Variants in ARHGEF9 observed in about 807,000 individuals in gnomAD.
ARHGEF9 encodes rho guanine nucleotide exchange factor 9.
In ARHGEF9, 2 loss-of-function variants were observed where a neutral mutation model predicts 41.3. The ratio of observed to expected loss-of-function variants is 0.05; its 90% confidence interval spans 0.02 to 0.15. The LOEUF is 0.15. Ranked by LOEUF, ARHGEF9 falls within the 10% of genes least tolerant of loss-of-function variation. ARHGEF9 has a pLI of 1.00. For missense variants in ARHGEF9, 225 were observed against 424.7 expected (o/e 0.53, Z 4.13); for synonymous variants, 160 against 154.4 (o/e 1.04, Z -0.27).
chrX:63,712,274 C>T (rs1556407344), intron 2 of ARHGEF9, among the ~76,000 whole-genome samples: 3 of 111,676 alleles, frequency 2.7e-5, no homozygotes, highest in African/African-American at 9.8e-5. Flanking sequence ...CTCGTAGGTG[C>T]GTACTCAAGA....
intron 1 of ARHGEF9, chrX:63,766,906 C>A: frequency 2.5e-6 from 1 of 404,167 alleles, no homozygotes; most frequent in South Asian, 3.1e-5. Context: ...CAGGAAAACC[C>A]ACCAAACTGC....
chrX:63,728,653 T>C (rs1379010020), intron 1 of ARHGEF9, among the ~76,000 whole-genome samples: 1 of 111,831 alleles, frequency 8.9e-6, no homozygotes, highest in Non-Finnish European at 1.9e-5. Flanking sequence ...ATCTGCAAAA[T>C]GGGGGTAATA....
At chrX:63,691,738 G>A (rs1283155747) in intron 4 of ARHGEF9, among the ~76,000 whole-genome samples, 1 of 110,981 alleles carries the variant, frequency 9.0e-6, no homozygotes, top group Non-Finnish European at 1.9e-5. Flanking sequence ...AAAAGACCCA[G>A]AATAGCCAAA....
At chrX:63,746,324 C>G (rs2055270312) in intron 1 of ARHGEF9, among the ~76,000 whole-genome samples, 1 of 112,113 alleles carries the variant, frequency 8.9e-6, no homozygotes, top group Non-Finnish European at 1.9e-5. Context: ...GAACACATCC[C>G]TCTCTAAACC....
chrX:63,647,830 G>A (rs1440129953), intron 8 of ARHGEF9, among the ~76,000 whole-genome samples: 1 of 111,198 alleles, frequency 9.0e-6, no homozygotes, highest in East Asian at 2.8e-4. Flanking sequence ...TTGTACCTCT[G>A]GTAGAATTTG....
intron 4 of ARHGEF9, among the ~76,000 whole-genome samples, chrX:63,683,562 A>G (rs1361304084): frequency 8.9e-6 from 1 of 112,000 alleles, no homozygotes; most frequent in African/African-American, 3.2e-5. Flanking sequence ...AGAAATAAAA[A>G]TAAATCTGGA....
intron 1 of ARHGEF9, among the ~76,000 whole-genome samples, chrX:63,735,326 C>T (rs782734992): frequency 2.2e-3 from 248 of 111,036 alleles, no homozygotes; most frequent in Middle Eastern, 9.3e-3. Flanking sequence ...GTTTTCTGGG[C>T]AGGGGTGGGG....
chrX:63,749,049 G>A (rs1472763396), intron 1 of ARHGEF9, among the ~76,000 whole-genome samples: 3 of 112,233 alleles, frequency 2.7e-5, no homozygotes, highest in Non-Finnish European at 5.6e-5. Flanking sequence ...ATCCCAAATA[G>A]TGAGTTTTCA....
At chrX:63,698,901 A>T (rs184264158) in intron 3 of ARHGEF9, among the ~76,000 whole-genome samples, 16 of 112,271 alleles carry the variant, frequency 1.4e-4, no homozygotes, top group Middle Eastern at 9.2e-3. Context: ...GATCAGGAAG[A>T]AAATTCCCAG....
In ARHGEF9 at chrX:63,637,725, G is replaced by A. The variant is rs1301551394; in HGVS notation, c.*303C>T. The A allele has an allele frequency of 1.7e-5, 4 of 233,211 alleles. No individual in the cohort carries two copies. Among genetic ancestry groups the A allele is most frequent in the African/African-American group, 2.9e-5 (1 of 34,838 alleles). The allele number at this position is 233,211 out of a possible 1,213,427, so 19.2% of individuals were successfully genotyped here. ...TCTGAAAGCAAAGGGAAGGGGGACAGGGTAAAAATGGAAAACTTTTAAGAC... is the reference window on the plus strand; with the variant it reads ...TCTGAAAGCAAAGGGAAGGGGGACAAGGTAAAAATGGAAAACTTTTAAGAC... On this transcript the variant is annotated 3_prime_UTR_variant, in exon 10 of 10. Coordinates refer to ENST00000671741, the MANE Select transcript of ARHGEF9 (RefSeq NM_001353921.2).
intron 9 of ARHGEF9, chrX:63,639,882 G>A (rs1470202728): frequency 8.9e-6 from 1 of 111,772 alleles, no homozygotes; most frequent in Non-Finnish European, 1.9e-5. Flanking sequence ...AATATCAAAT[G>A]ATCTCACTCA....
chrX:63,723,850 G>A (rs1330656595), intron 2 of ARHGEF9, among the ~76,000 whole-genome samples: 3 of 112,362 alleles, frequency 2.7e-5, no homozygotes, highest in Non-Finnish European at 5.6e-5. Flanking sequence ...TTAAGGGCCA[G>A]GTTCTTCATG....
intron 3 of ARHGEF9, among the ~76,000 whole-genome samples, chrX:63,699,756 G>T (rs1229325281): frequency 1.8e-5 from 2 of 111,949 alleles, no homozygotes; most frequent in African/African-American, 6.5e-5. Flanking sequence ...TTAGCTTGAT[G>T]AAATATTACA....
At chrX:63,668,505 C>G (rs1460703851) in intron 6 of ARHGEF9, among the ~76,000 whole-genome samples, 1 of 111,687 alleles carries the variant, frequency 9.0e-6, no homozygotes, top group Non-Finnish European at 1.9e-5. Context: ...AATAATACTC[C>G]TCTATGCTCA....
intron 8 of ARHGEF9, among the ~76,000 whole-genome samples, chrX:63,646,069 T>G (rs1320629881): frequency 8.9e-6 from 1 of 111,802 alleles, no homozygotes; most frequent in Admixed American, 9.5e-5. Context: ...CACTTGTTGA[T>G]GGGGTTGTTT....
intron 1 of ARHGEF9, among the ~76,000 whole-genome samples, chrX:63,777,904 C>A (rs2056318865): frequency 1.8e-5 from 2 of 112,894 alleles, no homozygotes; most frequent in South Asian, 7.3e-4. Context: ...AGGCTGCCTT[C>A]ATGGCTGGCA....
intron 2 of ARHGEF9, among the ~76,000 whole-genome samples, chrX:63,717,151 T>C (rs2053356617): frequency 8.9e-6 from 1 of 111,933 alleles, no homozygotes; most frequent in African/African-American, 3.3e-5. Flanking sequence ...CCCCAGTATA[T>C]TTTAAAAAGA....
At chrX:63,695,242 A>G (rs782178843) in intron 4 of ARHGEF9, among the ~76,000 whole-genome samples, 93 of 111,783 alleles carry the variant, frequency 8.3e-4, no homozygotes, top group African/African-American at 2.7e-3. Context: ...CCCGGTTGAG[A>G]ACCACTATTC....
intron 1 of ARHGEF9, among the ~76,000 whole-genome samples, chrX:63,771,219 T>G (rs781837234): frequency 8.0e-5 from 9 of 112,150 alleles, no homozygotes; most frequent in Non-Finnish European, 1.9e-5. Flanking sequence ...TGTGAAGGAT[T>G]ATTATTACAT....
Sources: allele counts gnomAD v4.1 joint callset (sites outside exome capture counted in the v4.1 genomes callset), GRCh38; gene constraint gnomAD v4.1.1; transcripts MANE v1.5; gene names NCBI Gene and HGNC (gene_info 2026-07-23, HGNC 2026-07-21).